EBF2: variants seen among roughly 807,000 people sequenced by gnomAD.
EBF2 encodes transcription factor COE2.
A neutral mutation model predicts 72.8 loss-of-function variants in EBF2; 21 were observed. That is an observed-to-expected ratio of 0.29 (90% CI 0.20 to 0.42). The LOEUF (loss-of-function observed/expected upper bound fraction) is 0.42, where lower values mean the gene tolerates loss of function less well. EBF2 is among the 10% of genes least tolerant of loss of function. The pLI is 1.00. For missense variants in EBF2, 637 were observed against 731.2 expected (o/e 0.87, Z 1.49); for synonymous variants, 299 against 274.2 (o/e 1.09, Z -0.89).
At chr8:25,999,720 C>G (rs754250783) in intron 6 of EBF2, among the ~76,000 whole-genome samples, 2 of 151,852 alleles carry the variant, frequency 1.3e-5, no homozygotes, top group Non-Finnish European at 2.9e-5. Context: ...AAAGTTCCTC[C>G]CTTCCATTTT....
At chr8:25,959,569 T>C (rs1804004068) in intron 6 of EBF2, among the ~76,000 whole-genome samples, 1 of 152,206 alleles carries the variant, frequency 6.6e-6, no homozygotes, top group African/African-American at 2.4e-5. Context: ...TTTCTTCCCA[T>C]AGTGGGACTG....
chr8:25,872,235 G>A (rs185324588), intron 10 of EBF2, among the ~76,000 whole-genome samples: 24 of 152,212 alleles, frequency 1.6e-4, no homozygotes, highest in South Asian at 2.1e-4. Flanking sequence ...TGACCAGCAG[G>A]AGCACTGATT....
At chr8:26,022,885 T>C (rs935871207) in intron 6 of EBF2, among the ~76,000 whole-genome samples, 1 of 152,176 alleles carries the variant, frequency 6.6e-6, no homozygotes, top group Non-Finnish European at 1.5e-5. Context: ...CTCAGCTACT[T>C]CTCTTTCTGA....
chr8:25,895,123 T>C (rs1196663870), intron 7 of EBF2, among the ~76,000 whole-genome samples: 1 of 152,206 alleles, frequency 6.6e-6, no homozygotes, highest in Non-Finnish European at 1.5e-5. Context: ...ACAGTTTTCA[T>C]TTATTTCTTA....
intron 6 of EBF2, among the ~76,000 whole-genome samples, chr8:26,028,784 G>A (rs1341499962): frequency 1.3e-5 from 2 of 152,204 alleles, no homozygotes; most frequent in Admixed American, 6.5e-5. Flanking sequence ...CTCAGCTGAA[G>A]GCCACAGTAA....
At chr8:25,850,867 A>C in intron 14 of EBF2, 106 bp from the exon 15 acceptor site, 1 of 1,319,054 alleles carries the variant, frequency 7.6e-7, no homozygotes, top group South Asian at 1.5e-5. Flanking sequence ...GCATTGTTCC[A>C]GATTGCAGGG....
At chr8:26,004,493 G>A (rs1316104121) in intron 6 of EBF2, among the ~76,000 whole-genome samples, 1 of 151,900 alleles carries the variant, frequency 6.6e-6, no homozygotes, top group Non-Finnish European at 1.5e-5. Flanking sequence ...TGGCCAATAT[G>A]GTGAAACCCC....
At chr8:25,928,837 A>G (rs555845724) in intron 6 of EBF2, among the ~76,000 whole-genome samples, 1 of 150,398 alleles carries the variant, frequency 6.6e-6, no homozygotes, top group South Asian at 2.1e-4. Context: ...ACTAGAGGAC[A>G]CCTCTTTCCA....
chr8:26,025,961 C>T (rs1356580639), intron 6 of EBF2, among the ~76,000 whole-genome samples: 1 of 152,016 alleles, frequency 6.6e-6, no homozygotes, highest in Admixed American at 6.6e-5. Flanking sequence ...AGTTTGAGGC[C>T]AGGAATTCCT....
At chr8:25,861,280 C>A in intron 12 of EBF2, 29 bp downstream of exon 12, 1 of 1,613,974 alleles carries the variant, frequency 6.2e-7, no homozygotes, top group East Asian at 2.2e-5. Flanking sequence ...GTGCAAAACT[C>A]AATAAAGGAT....
rs1276373483 is a variant in EBF2, at chr8:25,858,308, A to G, written c.1528+11T>C. On this transcript the variant is annotated intron_variant, in intron 14 of 15. Transcript: ENST00000520164. Reference sequence around the variant, plus strand: ...AAGCATGGAGAGCCAAGTGATGGAGAGGTCACTTACTTCCATAAGGAGAGC... The same window carrying G: ...AAGCATGGAGAGCCAAGTGATGGAGGGGTCACTTACTTCCATAAGGAGAGC... 1 of 1,613,914 alleles carries G rather than the reference A, an allele frequency of 6.2e-7. No individual in the cohort carries two copies. Among genetic ancestry groups the G allele is most frequent in the Non-Finnish European group, 8.5e-7 (1 of 1,179,838 alleles).
At chr8:25,995,017 A>C (rs1804601133) in intron 6 of EBF2, among the ~76,000 whole-genome samples, 1 of 152,188 alleles carries the variant, frequency 6.6e-6, no homozygotes, top group East Asian at 1.9e-4. Context: ...TTTAAAGAAG[A>C]TATATACAGT....
chr8:25,952,405 T>C (rs1284968818), intron 6 of EBF2, among the ~76,000 whole-genome samples: 2 of 152,090 alleles, frequency 1.3e-5, no homozygotes, highest in Non-Finnish European at 2.9e-5. Flanking sequence ...TTCATTTATA[T>C]AGTATGCATT....
chr8:26,035,449 C>T (rs758225820), intron 5 of EBF2, among the ~76,000 whole-genome samples: 28 of 152,112 alleles, frequency 1.8e-4, no homozygotes, highest in Non-Finnish European at 2.5e-4. Context: ...CATGCCAAGC[C>T]CCAGTCCTAG....
chr8:25,848,175 T>C (rs1019315800), intron 15 of EBF2, among the ~76,000 whole-genome samples: 1 of 152,130 alleles, frequency 6.6e-6, no homozygotes, highest in African/African-American at 2.4e-5. Context: ...CTTCTTCTTT[T>C]AAAGGTTCAA....
At chr8:26,008,808 C>A (rs1804926520) in intron 6 of EBF2, among the ~76,000 whole-genome samples, 1 of 129,778 alleles carries the variant, frequency 7.7e-6, no homozygotes, top group Non-Finnish European at 1.6e-5. Flanking sequence ...CTAGAATAAC[C>A]AAACTACTCT....
intron 10 of EBF2, among the ~76,000 whole-genome samples, chr8:25,880,080 T>A (rs2117282692): frequency 6.6e-6 from 1 of 152,334 alleles, no homozygotes; most frequent in South Asian, 2.1e-4. Context: ...CCTAACGTTC[T>A]CCTCTTTTTC....
chr8:25,928,800 A>AAC (rs887752758), intron 6 of EBF2, among the ~76,000 whole-genome samples: 4 of 151,248 alleles, frequency 2.6e-5, no homozygotes, highest in African/African-American at 4.8e-5. Context: ...AAAAAAAAAA[A>AAC]ACCAGGGAAA....
At chr8:26,038,310 A>C (rs1401881629) in intron 5 of EBF2, among the ~76,000 whole-genome samples, 1 of 152,238 alleles carries the variant, frequency 6.6e-6, no homozygotes, top group Non-Finnish European at 1.5e-5. Context: ...AATGCAGAGA[A>C]GTTACAGTAC....
Sources: allele counts gnomAD v4.1 joint callset (sites outside exome capture counted in the v4.1 genomes callset), GRCh38; gene constraint gnomAD v4.1.1; transcripts MANE v1.5; gene names NCBI Gene and HGNC (gene_info 2026-07-23, HGNC 2026-07-21).